Variants in IFT172 observed in about 807,000 individuals in gnomAD.
IFT172 encodes intraflagellar transport 172, also known as intraflagellar transport protein 172 homolog.
A neutral mutation model predicts 248.9 loss-of-function variants in IFT172; 164 were observed. The observed-to-expected ratio is 0.66, with a 90% CI of 0.58 to 0.75. The LOEUF is 0.75. Ranked by LOEUF, IFT172 falls within the 30% of genes least tolerant of loss-of-function variation. The pLI, the probability that IFT172 is intolerant of heterozygous loss-of-function variation, is 0.00. For missense variants in IFT172, 1,950 were observed against 2,192.4 expected (o/e 0.89, Z 2.21); for synonymous variants, 729 against 791.6 (o/e 0.92, Z 1.33).
intron 16 of IFT172, among the ~76,000 whole-genome samples, chr2:27,468,272 G>C (rs545507194): frequency 6.6e-6 from 1 of 151,166 alleles, no homozygotes; most frequent in South Asian, 2.1e-4. Context: ...TTACTCTGTC[G>C]TTCAGGCTGG....
Position 27,445,760 on chromosome 2 carries a change from A to C in IFT172, c.4899T>G (p.Ala1633=). The change falls in exon 45 of 48, where the codon GCT becomes GCG. Residue 1633 remains alanine, a synonymous_variant. Transcript: ENST00000260570. This position sits in a 1 kb window ranked among gnomAD's most constrained non-coding sequence, Gnocchi z 4.4. The part of the protein sequence containing the change: ...TDIPFEVPLP[A]KQHVPEAERE... ...GTGCCCTTACCGGTACATGCTGCTT[A>C]GCTGGGAGTGGCACCTCAAAGGGAA... 6.2e-7 allele frequency: 1 copy of C among 1,614,150 alleles called. No individual in the cohort carries two copies.
At chr2:27,488,627 C>A (rs1343971111) in intron 1 of IFT172, among the ~76,000 whole-genome samples, 1 of 152,178 alleles carries the variant, frequency 6.6e-6, no homozygotes, top group Non-Finnish European at 1.5e-5. Context: ...TCTTGTCTAT[C>A]AATTTTTCAC....
intron 18 of IFT172, 134 bp downstream of exon 18, chr2:27,465,277 G>A: frequency 1.4e-6 from 1 of 714,412 alleles, no homozygotes; most frequent in South Asian, 1.6e-5. Flanking sequence ...ACTGCAGAAG[G>A]GCTCTATGCT....
At chr2:27,456,155 G>T (rs1474397992) in intron 30 of IFT172, among the ~76,000 whole-genome samples, 3 of 152,024 alleles carry the variant, frequency 2.0e-5, no homozygotes, top group Non-Finnish European at 4.4e-5. Flanking sequence ...AGGTTGCAGT[G>T]AGCTGATATC....
intron 33 of IFT172, 68 bp downstream of exon 33, chr2:27,453,914 A>C: frequency 6.7e-7 from 1 of 1,499,596 alleles, no homozygotes; most frequent in Non-Finnish European, 9.1e-7. Context: ...ACCAGGGGTC[A>C]GTGTGGCTCT....
Position 27,462,686 on chromosome 2 carries a change from C to G in IFT172, c.2115+15G>C. ...TCATATCCCCTCTTCCATCCTGTCC[C>G]TCTTTTCCTATTACCTGTTCCAAAA... On this transcript the variant is annotated intron_variant, in intron 20 of 47. Coordinates refer to ENST00000260570, the MANE Select transcript of IFT172 (RefSeq NM_015662.3). 6.2e-7 allele frequency: 1 copy of G among 1,607,978 alleles called. No homozygotes were observed. Among genetic ancestry groups the G allele is most frequent in the Non-Finnish European group, 8.5e-7 (1 of 1,174,536 alleles).
chr2:27,461,653 C>T (rs1303130561), intron 21 of IFT172, 106 bp downstream of exon 21: 12 of 1,537,370 alleles, frequency 7.8e-6, no homozygotes, highest in Non-Finnish European at 9.8e-6. Flanking sequence ...ACATCAAGTC[C>T]AAGCCCCAAC....
chr2:27,449,163 A>C lies in IFT172; in HGVS notation c.4311+131T>G. The C allele has an allele frequency of 3.2e-6, 4 of 1,241,636 alleles. No individual in the cohort carries two copies. The South Asian group carries it at 4.9e-5, about 15-fold the overall frequency. 76.9% of individuals were successfully genotyped at this position (1,241,636 alleles called of 1,614,324 possible). ...AACCTCTGACCCCAGTTTCAGACTG[A>C]GCTTCTCTGATGCCCATTAGAAATC... On this transcript the variant is annotated intron_variant, in intron 39 of 47. Transcript: ENST00000260570.
At chr2:27,455,235 T>C (rs1422380128) in intron 30 of IFT172, 1 of 355,300 alleles carries the variant, frequency 2.8e-6, no homozygotes, top group Non-Finnish European at 5.4e-6. Context: ...CAGGTCCTTA[T>C]TAGGCTGTGC....
chr2:27,446,367 G>C lies in IFT172; in HGVS notation c.4660-12C>G, dbSNP rs771843422. 6.2e-6 allele frequency: 10 copies of C among 1,613,328 alleles called. No homozygotes were observed. In the African/African-American group the frequency reaches 1.2e-4, roughly 19 times the overall value. On this transcript the variant is annotated splice_polypyrimidine_tract_variant and intron_variant, in intron 42 of 47. Transcript: ENST00000260570. ...GCAGCCACGGTTTCCTGGGATTAAA[G>C]TCAAAGCATTATGAATATGGCACTA...
At chr2:27,463,529 CTT>C (rs35768559) in intron 18 of IFT172, among the ~76,000 whole-genome samples, 2,139 of 129,690 alleles carry the variant, frequency 0.016, 64 homozygotes, top group African/African-American at 0.052. Flanking sequence ...ATTCTTTTCT[CTT>C]TTTTTTTTTT....
In IFT172 at chr2:27,445,132, T is replaced by G; in HGVS notation, c.5069-27A>C. On this transcript the variant is annotated intron_variant, in intron 46 of 47. Coordinates refer to ENST00000260570, the MANE Select transcript of IFT172 (RefSeq NM_015662.3). The surrounding 1 kb of genome is among the most constrained non-coding windows in gnomAD (Gnocchi z 4.4). ...TGTGGAGGAAGAAAAAATGATGAAC[T>G]GGGGTTTGAGAGAGATTGAGGAGGG... The G allele has an allele frequency of 6.2e-7, 1 of 1,613,168 alleles. No individual in the cohort carries two copies. Among genetic ancestry groups the G allele is most frequent in the Non-Finnish European group, 8.5e-7 (1 of 1,179,562 alleles).
chr2:27,475,875 G>A (rs113271819), intron 14 of IFT172, among the ~76,000 whole-genome samples: 1,936 of 151,446 alleles, frequency 0.013, 16 homozygotes, highest in Non-Finnish European at 0.022. Context: ...CAAGCAATCC[G>A]CCCGCCTCAG....
At position 27,465,802 on chromosome 2, in the gene IFT172, T is replaced by C. The variant is rs1415381763; in HGVS notation, c.1773A>G (p.Thr591=). The C allele has an allele frequency of 1.2e-6, 2 of 1,613,992 alleles. No homozygotes were observed. The highest frequency in any genetic ancestry group is 1.3e-5 in the African/African-American group (1 of 74,902). The part of the protein sequence containing the change: ...VMEGVTTVAY[T]LDEGLIEFGT... ...CAAACTCGATGAGGCCCTCATCCAA[T>C]GTGTAGGCAACAGTAGTCACACCTT... is the stretch of plus-strand genomic sequence containing the variant. The change falls in exon 17 of 48, where the codon ACA becomes ACG. Residue 591 remains threonine, a synonymous_variant. Transcript: ENST00000260570.
intron 16 of IFT172, among the ~76,000 whole-genome samples, chr2:27,469,401 AAAAACAG>A (rs1667381614): frequency 6.6e-6 from 1 of 152,202 alleles, no homozygotes; most frequent in Admixed American, 6.5e-5. Context: ...TCAAAAAACA[AAAAACAG>A]AAACAAAAAA....
intron 18 of IFT172, among the ~76,000 whole-genome samples, chr2:27,463,529 CTTTTTTTT>C (rs35768559): frequency 7.7e-6 from 1 of 129,730 alleles, no homozygotes; most frequent in African/African-American, 2.9e-5. Flanking sequence ...ATTCTTTTCT[CTTTTTTTT>C]TTTTTTTTTT....
In IFT172 at chr2:27,470,345, CAAAT is replaced by C. The variant is rs369857564; in HGVS notation, c.1692+579_1692+582del. 5.1e-3 allele frequency among the ~76,000 whole-genome samples: 775 copies of C among 151,922 alleles called. 4 individuals carry two copies. Among genetic ancestry groups the C allele is most frequent in the African/African-American group, 0.018 (738 of 41,452 alleles). On this transcript the variant is annotated intron_variant, in intron 16 of 47. Transcript: ENST00000260570. ...AAAGAAAAAGAAAGAAAGAACTAAA[CAAAT>C]AAATTTTAGACCCTAATCAGTTTAA...
intron 43 of IFT172, 80 bp downstream of exon 43, chr2:27,446,180 C>T: frequency 6.9e-7 from 1 of 1,450,548 alleles, no homozygotes; most frequent in South Asian, 1.2e-5. Context: ...CAGCTTTCCT[C>T]TACCAGAGCA....
intron 13 of IFT172, 89 bp from the exon 14 acceptor site, chr2:27,476,815 T>A: frequency 1.3e-6 from 1 of 741,962 alleles, no homozygotes; most frequent in Non-Finnish European, 2.3e-6. Context: ...GGGATGAAGC[T>A]TTTATTTATT....
Sources: gnomAD v4.1 joint callset for allele counts (sites outside exome capture counted in the v4.1 genomes callset) on GRCh38, gnomAD v4.1.1 for gene constraint, Gnocchi (gnomAD v3.1) non-coding constraint, MANE v1.5 for transcripts, NCBI Gene and HGNC (gene_info 2026-07-23, HGNC 2026-07-21) for gene names.